The following GABBR2 variants were observed in gnomAD, a reference collection of about 807,000 sequenced individuals.
GABBR2 encodes gamma-aminobutyric acid type B receptor subunit 2, also known as G-protein coupled receptor 51.
GABBR2 carries 23 observed loss-of-function variants against 105.6 expected under a neutral mutation model. The ratio of observed to expected loss-of-function variants is 0.22; its 90% CI spans 0.16 to 0.31. GABBR2 has a LOEUF of 0.31. GABBR2 is among the 10% of genes least tolerant of loss of function. GABBR2 has a pLI of 1.00. For missense variants in GABBR2, 734 were observed against 1,245.5 expected, an observed-to-expected ratio of 0.59 and a Z score of 6.18; for synonymous variants, 478 against 499.7, an observed-to-expected ratio of 0.96 and a Z score of 0.58.
At chr9:98,682,918 C>A (rs1182442860) in intron 1 of GABBR2, among the ~76,000 whole-genome samples, 2 of 152,100 alleles carry the variant, frequency 1.3e-5, no homozygotes, top group East Asian at 3.9e-4. Context: ...AGAAATAATT[C>A]TCAGTCCTGT....
intron 7 of GABBR2, 37 bp downstream of exon 7, chr9:98,453,944 A>G (rs765257323): frequency 7.3e-7 from 1 of 1,378,574 alleles, no homozygotes; most frequent in South Asian, 1.2e-5. Context: ...GTTTACAAGG[A>G]ACACTAAGGA....
At chr9:98,563,654 T>C (rs1329554734) in intron 2 of GABBR2, among the ~76,000 whole-genome samples, 2 of 152,230 alleles carry the variant, frequency 1.3e-5, no homozygotes, top group African/African-American at 2.4e-5. Flanking sequence ...GACAGTACTA[T>C]GTAATAGCTT....
intron 13 of GABBR2, among the ~76,000 whole-genome samples, chr9:98,338,744 CATGGTTACCATGTAG>C (rs1831157973): frequency 6.6e-6 from 1 of 152,140 alleles, no homozygotes; most frequent in South Asian, 2.1e-4. Flanking sequence ...CATGAGTTAA[CATGGTTACCATGTAG>C]CCCAGCAATT....
intron 7 of GABBR2, among the ~76,000 whole-genome samples, chr9:98,413,055 T>A (rs1419778998): frequency 1.3e-5 from 2 of 152,220 alleles, no homozygotes; most frequent in Non-Finnish European, 2.9e-5. Context: ...GAATGCCTTT[T>A]CCCCAATTGG....
At chr9:98,613,958 C>A (rs1312173145) in intron 1 of GABBR2, among the ~76,000 whole-genome samples, 1 of 151,932 alleles carries the variant, frequency 6.6e-6, no homozygotes, top group Non-Finnish European at 1.5e-5. Flanking sequence ...ATTTTTGGAA[C>A]CAAAATTCTA....
intron 7 of GABBR2, among the ~76,000 whole-genome samples, chr9:98,424,996 T>C (rs62574598): frequency 0.063 from 9,607 of 151,810 alleles, 540 homozygotes; most frequent in African/African-American, 0.16. Flanking sequence ...AAAGTTCATA[T>C]GGAACCAAAA....
intron 7 of GABBR2, among the ~76,000 whole-genome samples, chr9:98,424,650 C>T (rs1023397448): frequency 1.3e-5 from 2 of 149,854 alleles, no homozygotes; most frequent in Admixed American, 1.3e-4. Context: ...GATACAAAAT[C>T]AATGTACAAA....
At chr9:98,434,132 G>A (rs1402057191) in intron 7 of GABBR2, among the ~76,000 whole-genome samples, 1 of 152,136 alleles carries the variant, frequency 6.6e-6, no homozygotes, top group African/African-American at 2.4e-5. Context: ...GAAAAGCCTA[G>A]ACTGGCTTAG....
rs962344610 is a variant in GABBR2 at position 98,293,965 on chromosome 9, G to A, written c.2543-63C>T. On this transcript the variant is annotated intron_variant, in intron 17 of 18. Coordinates refer to ENST00000259455, the MANE Select transcript of GABBR2 (RefSeq NM_005458.8). ...AACTTAGTTTTTAAAAATCAACAATGCAACTTTTTGTAGGATGATGCCCCA... is the reference window on the plus strand; with the variant it reads ...AACTTAGTTTTTAAAAATCAACAATACAACTTTTTGTAGGATGATGCCCCA... 38 of 976,180 alleles carry A rather than the reference G, an allele frequency of 3.9e-5. No homozygotes were observed. The Admixed American group carries it at 6.0e-4, about 15-fold the overall frequency. The allele number at this position is 976,180 out of a possible 1,614,324, so 60.5% of individuals were successfully genotyped here. A position where few individuals can be genotyped will look rare whatever the true frequency, so the allele number is the denominator to read the frequency against.
chr9:98,626,885 G>C (rs1160776510), intron 1 of GABBR2, among the ~76,000 whole-genome samples: 1 of 152,136 alleles, frequency 6.6e-6, no homozygotes, highest in Non-Finnish European at 1.5e-5. Context: ...CTCCTGGAGG[G>C]CTGAACCAGC....
At chr9:98,541,774 C>T in intron 3 of GABBR2, 99 bp downstream of exon 3, 4 of 1,058,604 alleles carry the variant, frequency 3.8e-6, no homozygotes, top group Non-Finnish European at 5.6e-6. Flanking sequence ...TGCTTAAAAG[C>T]CCTGTGACAG....
At chr9:98,609,796 G>A (rs750919366) in intron 1 of GABBR2, among the ~76,000 whole-genome samples, 21 of 152,152 alleles carry the variant, frequency 1.4e-4, no homozygotes, top group Admixed American at 1.3e-4. Flanking sequence ...GTGATGCCCC[G>A]TCTGCTACCC....
In GABBR2 at chr9:98,384,100, C is replaced by T. The variant is rs147329940; in HGVS notation, c.1662+1540G>A. Among the ~76,000 whole-genome samples, 6 of 152,294 alleles carry T rather than the reference C, an allele frequency of 3.9e-5. No homozygotes were observed. In the East Asian group the frequency reaches 5.8e-4, roughly 15 times the overall value. On this transcript the variant is annotated intron_variant, in intron 11 of 18. Coordinates refer to ENST00000259455, the MANE Select transcript of GABBR2 (RefSeq NM_005458.8). The stretch of plus-strand genomic sequence containing the variant: ...GCTTTTGGATGAATCCACTCAGCAC[C>T]GATCTTTTGACCATCCCCTCTAGCT...
intron 1 of GABBR2, among the ~76,000 whole-genome samples, chr9:98,594,356 G>A (rs1409231433): frequency 1.3e-5 from 2 of 152,224 alleles, no homozygotes; most frequent in African/African-American, 2.4e-5. Flanking sequence ...AGGGGGTGAC[G>A]CCTGGTGCTG....
intron 2 of GABBR2, among the ~76,000 whole-genome samples, chr9:98,577,412 C>T (rs1828935626): frequency 6.6e-6 from 1 of 152,250 alleles, no homozygotes; most frequent in South Asian, 2.1e-4. Context: ...GAATAATTGG[C>T]AAGGAGACCA....
chr9:98,497,883 C>T (rs1048865077), intron 3 of GABBR2, among the ~76,000 whole-genome samples: 2 of 152,186 alleles, frequency 1.3e-5, no homozygotes, highest in East Asian at 1.9e-4. Flanking sequence ...CTTCTGGGCA[C>T]GTACCCAAAA....
chr9:98,639,349 C>T (rs1829926533), intron 1 of GABBR2, among the ~76,000 whole-genome samples: 1 of 152,176 alleles, frequency 6.6e-6, no homozygotes, highest in African/African-American at 2.4e-5. Context: ...GTGTGTGCTA[C>T]CATCTGTCAC....
rs994521811 is a variant in GABBR2 at position 98,581,950 on chromosome 9, T to G, written c.322-3878A>C. On this transcript the variant is annotated intron_variant, in intron 1 of 18. Transcript: ENST00000259455. ...CTCACAAATACAAAACACTGGGATA[T>G]GTCAACTAAAATATCTGAGACTATT... Among the ~76,000 whole-genome samples the G allele has an allele frequency of 9.9e-5, 15 of 152,248 alleles. No individual in the cohort carries two copies. In the East Asian group the frequency reaches 2.9e-3, roughly 29 times the overall value.
At chr9:98,467,120 T>C (rs1370434715) in intron 6 of GABBR2, among the ~76,000 whole-genome samples, 1 of 152,214 alleles carries the variant, frequency 6.6e-6, no homozygotes, top group Non-Finnish European at 1.5e-5. Flanking sequence ...ATCCCGGCCA[T>C]ATCTAGCATG....
Sources: allele counts gnomAD v4.1 joint callset (sites outside exome capture counted in the v4.1 genomes callset), GRCh38; gene constraint gnomAD v4.1.1; transcripts MANE v1.5; gene names NCBI Gene and HGNC (gene_info 2026-07-23, HGNC 2026-07-21).